Variants in FAM135B observed in about 807,000 individuals in gnomAD.
The protein encoded by FAM135B is family with sequence similarity 135 member B, also known as protein FAM135B.
In FAM135B, 43 loss-of-function variants were observed where a neutral mutation model predicts 127.7. The ratio of observed to expected loss-of-function variants is 0.34; its 90% CI spans 0.26 to 0.43. The LOEUF is 0.43. Among genes scored for constraint, FAM135B ranks in the 20% least tolerant of loss-of-function variants. FAM135B has a pLI of 1.00. For missense variants in FAM135B, 1,558 were observed against 1,725.6 expected (o/e 0.90, Z 1.72); for synonymous variants, 670 against 665.1 (o/e 1.01, Z -0.11).
At chr8:138,135,457 T>C (rs1816570403) in intron 19 of FAM135B, among the ~76,000 whole-genome samples, 1 of 152,028 alleles carries the variant, frequency 6.6e-6, no homozygotes, top group Non-Finnish European at 1.5e-5. Flanking sequence ...AAAATATACA[T>C]AAAAAAGCAT....
At chr8:138,143,967 A>C (rs953747099) in intron 15 of FAM135B, among the ~76,000 whole-genome samples, 13 of 152,158 alleles carry the variant, frequency 8.5e-5, no homozygotes, top group African/African-American at 3.1e-4. Context: ...GGCGCGAGAG[A>C]ATAAAGCATA....
chr8:138,203,997 G>A (rs1486646697), intron 7 of FAM135B, among the ~76,000 whole-genome samples: 2 of 152,266 alleles, frequency 1.3e-5, no homozygotes, highest in African/African-American at 4.8e-5. Flanking sequence ...CTGACAGGAT[G>A]TAGAGCTCAG....
chr8:138,417,986 G>C (rs1037443031), intron 1 of FAM135B, among the ~76,000 whole-genome samples: 1 of 152,014 alleles, frequency 6.6e-6, no homozygotes, highest in African/African-American at 2.4e-5. Context: ...TCAGAATCTG[G>C]ATGATAATGA....
At chr8:138,396,360 C>A (rs1832852701) in intron 1 of FAM135B, among the ~76,000 whole-genome samples, 1 of 152,152 alleles carries the variant, frequency 6.6e-6, no homozygotes, top group Non-Finnish European at 1.5e-5. Context: ...AGCCACTTCC[C>A]AGCTTTGTTG....
intron 1 of FAM135B, among the ~76,000 whole-genome samples, chr8:138,392,541 C>T (rs570952674): frequency 5.3e-4 from 81 of 152,260 alleles, no homozygotes; most frequent in African/African-American, 1.8e-3. Context: ...ACCCCCTCAC[C>T]TTCTCCTTTA....
intron 1 of FAM135B, among the ~76,000 whole-genome samples, chr8:138,491,166 A>G (rs1282635765): frequency 6.6e-6 from 1 of 151,820 alleles, no homozygotes; most frequent in East Asian, 1.9e-4. Context: ...AAAAGAAAGA[A>G]AGAAAGAAAG....
intron 1 of FAM135B, chr8:138,450,542 G>T (rs1324646261): frequency 6.6e-6 from 1 of 152,174 alleles, no homozygotes; most frequent in South Asian, 2.1e-4. Flanking sequence ...TGGTCATTCT[G>T]ATAGGTGTGT....
At chr8:138,478,774 T>A (rs957609396) in intron 1 of FAM135B, among the ~76,000 whole-genome samples, 2 of 152,162 alleles carry the variant, frequency 1.3e-5, no homozygotes, top group East Asian at 3.9e-4. Context: ...AAAAGACATT[T>A]CCCATAAGGA....
In FAM135B at chr8:138,392,040, A is replaced by G. The variant is rs139884763; in HGVS notation, c.-19-24038T>C. 7.2e-5 allele frequency among the ~76,000 whole-genome samples: 11 copies of G among 152,324 alleles called. No individual in the cohort carries two copies. The East Asian group carries it at 1.7e-3, about 24-fold the overall frequency. Reference sequence around the variant, plus strand: ...CATGAGGTAGGGCAGGGTAAGGCATAAGACTCAATATTAATTCATTAATTG... The same window carrying G: ...CATGAGGTAGGGCAGGGTAAGGCATGAGACTCAATATTAATTCATTAATTG... On this transcript the variant is annotated intron_variant, in intron 1 of 19. Transcript: ENST00000395297.
intron 11 of FAM135B, among the ~76,000 whole-genome samples, chr8:138,170,794 A>G (rs192220013): frequency 3.1e-4 from 47 of 152,262 alleles, no homozygotes; most frequent in African/African-American, 1.1e-3. Context: ...GGAGACTGGC[A>G]TGCAAATTGT....
intron 7 of FAM135B, among the ~76,000 whole-genome samples, chr8:138,235,113 T>G (rs1233646989): frequency 3.3e-5 from 5 of 152,222 alleles, no homozygotes; most frequent in African/African-American, 9.6e-5. Context: ...CTAGCCACTG[T>G]GCCTATTATG....
At chr8:138,258,207 T>C (rs1822255101) in intron 4 of FAM135B, among the ~76,000 whole-genome samples, 1 of 152,190 alleles carries the variant, frequency 6.6e-6, no homozygotes, top group African/African-American at 2.4e-5. Context: ...TCTTTCCCAA[T>C]CCCCACCTTT....
intron 2 of FAM135B, among the ~76,000 whole-genome samples, chr8:138,358,944 C>G (rs1830250171): frequency 6.6e-6 from 1 of 152,026 alleles, no homozygotes; most frequent in Admixed American, 6.6e-5. Context: ...CTTTATACAC[C>G]TGCTGAGCCT....
intron 2 of FAM135B, among the ~76,000 whole-genome samples, chr8:138,362,283 CTTTTTTTTTT>C (rs34005300): frequency 1.0e-5 from 1 of 99,200 alleles, no homozygotes; most frequent in Non-Finnish European, 1.9e-5. Context: ...ACCCCCATAT[CTTTTTTTTTT>C]TTTTTTTTTT....
At chr8:138,297,435 G>C (rs1334064766) in intron 3 of FAM135B, among the ~76,000 whole-genome samples, 1 of 152,150 alleles carries the variant, frequency 6.6e-6, no homozygotes, top group African/African-American at 2.4e-5. Flanking sequence ...CCAGACACTA[G>C]AAGTTATATT....
chr8:138,200,342 A>G (rs1039158653), intron 7 of FAM135B, among the ~76,000 whole-genome samples: 1 of 152,206 alleles, frequency 6.6e-6, no homozygotes, highest in Non-Finnish European at 1.5e-5. Flanking sequence ...CAACTTTCCT[A>G]TTATATTAAG....
At chr8:138,378,348 C>T (rs780415059) in intron 1 of FAM135B, among the ~76,000 whole-genome samples, 25 of 152,244 alleles carry the variant, frequency 1.6e-4, no homozygotes, top group Non-Finnish European at 2.2e-4. Flanking sequence ...CAGAGGCCAA[C>T]CCCTCAGCAG....
At chr8:138,369,399 A>G (rs1342707059) in intron 1 of FAM135B, among the ~76,000 whole-genome samples, 1 of 152,218 alleles carries the variant, frequency 6.6e-6, no homozygotes, top group Admixed American at 6.5e-5. Context: ...TAACAGGGTC[A>G]GGCTAGGCCA....
At chr8:138,228,151 G>A (rs1819617497) in intron 7 of FAM135B, among the ~76,000 whole-genome samples, 2 of 152,116 alleles carry the variant, frequency 1.3e-5, no homozygotes, top group African/African-American at 4.8e-5. Context: ...AGGGTGACTA[G>A]GACTAAATTT....
Sources: gnomAD v4.1 joint callset for allele counts (sites outside exome capture counted in the v4.1 genomes callset) on GRCh38, gnomAD v4.1.1 for gene constraint, MANE v1.5 for transcripts, NCBI Gene and HGNC (gene_info 2026-07-23, HGNC 2026-07-21) for gene names.